SLC44A5: variants seen among roughly 807,000 people sequenced by gnomAD.
SLC44A5 encodes the protein choline transporter-like protein 5.
Under a neutral mutation model 101.8 loss-of-function variants are expected in SLC44A5, and 57 were observed. The ratio of observed to expected loss-of-function variants is 0.56; its 90% CI spans 0.45 to 0.70. The LOEUF (loss-of-function observed/expected upper bound fraction) is 0.70. Ranked by LOEUF, SLC44A5 falls within the 30% of genes least tolerant of loss-of-function variation. The pLI is 0.00. For missense variants in SLC44A5, 737 were observed against 853.1 expected (o/e 0.86, Z 1.70); for synonymous variants, 281 against 290.9 (o/e 0.97, Z 0.35).
intron 1 of SLC44A5, among the ~76,000 whole-genome samples, chr1:75,570,198 T>C (rs1673001933): frequency 6.6e-6 from 1 of 152,090 alleles, no homozygotes; most frequent in Admixed American, 6.5e-5. Context: ...GGTGCTGGCA[T>C]TGAAAAATGG....
chr1:75,444,283 C>T (rs1482499523), intron 2 of SLC44A5, among the ~76,000 whole-genome samples: 1 of 137,102 alleles, frequency 7.3e-6, no homozygotes, highest in Non-Finnish European at 1.5e-5. Context: ...CTCCACTGCA[C>T]TCTAGCATGA....
chr1:75,617,804 G>A, the SLC44A5 span, among the ~76,000 whole-genome samples: 1 of 152,142 alleles, frequency 6.6e-6, no homozygotes, highest in African/African-American at 2.4e-5. Context: ...AATGTTTACT[G>A]TGTATAATAT....
chr1:75,279,142 A>G (rs1236327033), intron 5 of SLC44A5, among the ~76,000 whole-genome samples: 2 of 152,012 alleles, frequency 1.3e-5, no homozygotes, highest in African/African-American at 4.8e-5. Flanking sequence ...AGATACTAAA[A>G]TTTATTCCTT....
intron 3 of SLC44A5, among the ~76,000 whole-genome samples, chr1:75,371,271 G>T (rs1212758344): frequency 6.6e-6 from 1 of 152,196 alleles, no homozygotes; most frequent in Non-Finnish European, 1.5e-5. Context: ...TGCAGTTTGT[G>T]TTCAATTGTT....
intron 2 of SLC44A5, among the ~76,000 whole-genome samples, chr1:75,464,099 G>A (rs1423129997): frequency 6.6e-6 from 1 of 151,616 alleles, no homozygotes; most frequent in Non-Finnish European, 1.5e-5. Flanking sequence ...GCATGCACCT[G>A]TAGTCCTAGC....
intron 1 of SLC44A5, among the ~76,000 whole-genome samples, chr1:75,568,163 A>G (rs1204946291): frequency 6.6e-6 from 1 of 152,194 alleles, no homozygotes; most frequent in Non-Finnish European, 1.5e-5. Flanking sequence ...CTATAGCAGT[A>G]AATTAGTTTA....
At chr1:75,503,494 G>T (rs894520958) in intron 2 of SLC44A5, among the ~76,000 whole-genome samples, 8 of 152,108 alleles carry the variant, frequency 5.3e-5, no homozygotes, top group Admixed American at 2.6e-4. Context: ...CTTCTGCCAT[G>T]ATTTTAAGTT....
At chr1:75,435,141 C>T (rs1664815036) in intron 2 of SLC44A5, among the ~76,000 whole-genome samples, 1 of 152,206 alleles carries the variant, frequency 6.6e-6, no homozygotes, top group South Asian at 2.1e-4. Context: ...TTAGTACTTT[C>T]CTCTCTGTTA....
intron 7 of SLC44A5, among the ~76,000 whole-genome samples, chr1:75,246,949 G>C (rs1293433746): frequency 6.6e-6 from 1 of 152,034 alleles, no homozygotes; most frequent in African/African-American, 2.4e-5. Flanking sequence ...AGACAGTGAA[G>C]GATCTTACAG....
intron 3 of SLC44A5, among the ~76,000 whole-genome samples, chr1:75,360,507 T>C (rs1485854491): frequency 6.6e-6 from 1 of 152,138 alleles, no homozygotes; most frequent in Non-Finnish European, 1.5e-5. Flanking sequence ...AATAATTCAA[T>C]TTAATTCTTC....
the SLC44A5 span, among the ~76,000 whole-genome samples, chr1:75,683,310 T>C: frequency 6.6e-6 from 1 of 152,214 alleles, no homozygotes; most frequent in Non-Finnish European, 1.5e-5. Context: ...TGCATACGTA[T>C]GTTTATTGCG....
chr1:75,567,033 C>T (rs2102024387), intron 1 of SLC44A5, among the ~76,000 whole-genome samples: 1 of 152,242 alleles, frequency 6.6e-6, no homozygotes, highest in Admixed American at 6.5e-5. Context: ...TTTCCTAATC[C>T]AGTAGTGGAT....
intron 2 of SLC44A5, among the ~76,000 whole-genome samples, chr1:75,416,184 G>T (rs1663630332): frequency 6.6e-6 from 1 of 152,090 alleles, no homozygotes; most frequent in Non-Finnish European, 1.5e-5. Context: ...TTGTTTCATG[G>T]GCTACACCCA....
chr1:75,396,668 G>A, intron 2 of SLC44A5, 47 bp from the exon 3 acceptor site: 1 of 1,443,870 alleles, frequency 6.9e-7, no homozygotes, highest in Non-Finnish European at 9.7e-7. Flanking sequence ...AGGGGCTGAT[G>A]ACTCTGAGGT....
chr1:75,253,830 A>T (rs1319098772), intron 6 of SLC44A5, among the ~76,000 whole-genome samples: 1 of 152,108 alleles, frequency 6.6e-6, no homozygotes, highest in Non-Finnish European at 1.5e-5. Flanking sequence ...TCATCTTTAC[A>T]TCCTACCTTG....
the SLC44A5 span, among the ~76,000 whole-genome samples, chr1:75,639,860 G>A: frequency 0.25 from 37,554 of 151,768 alleles, 5,080 homozygotes; most frequent in Middle Eastern, 0.37. Flanking sequence ...ATGAGATAAG[G>A]GGGTAGTCAG....
intron 2 of SLC44A5, among the ~76,000 whole-genome samples, chr1:75,528,776 C>T (rs1670565040): frequency 6.6e-6 from 1 of 152,162 alleles, no homozygotes; most frequent in African/African-American, 2.4e-5. Context: ...TAGCCACTTC[C>T]CTTTCTTCCC....
chr1:75,404,303 A>G (rs1662703911), intron 2 of SLC44A5, among the ~76,000 whole-genome samples: 2 of 152,170 alleles, frequency 1.3e-5, no homozygotes, highest in Non-Finnish European at 2.9e-5. Context: ...GAAGTCCCCA[A>G]CCTAGCAAGA....
chr1:75,532,512 C>T (rs1041578569), intron 2 of SLC44A5, among the ~76,000 whole-genome samples: 2 of 152,212 alleles, frequency 1.3e-5, no homozygotes, highest in South Asian at 4.1e-4. Context: ...TTTGGCCACT[C>T]TATCCAAAAT....
Sources: gnomAD v4.1 joint callset for allele counts (sites outside exome capture counted in the v4.1 genomes callset) on GRCh38, gnomAD v4.1.1 for gene constraint, MANE v1.5 for transcripts, NCBI Gene and HGNC (gene_info 2026-07-23, HGNC 2026-07-21) for gene names.